The following ZFYVE9 variants were observed in gnomAD, a reference collection of about 807,000 sequenced individuals.
ZFYVE9 encodes zinc finger FYVE-type containing 9.
A neutral mutation model predicts 126.7 loss-of-function variants in ZFYVE9; 43 were observed. The ratio of observed to expected loss-of-function variants is 0.34; its 90% confidence interval spans 0.27 to 0.44. ZFYVE9 has a LOEUF of 0.44. Ranked by LOEUF, ZFYVE9 falls within the 20% of genes least tolerant of loss-of-function variation. ZFYVE9 has a pLI of 1.00. For missense variants in ZFYVE9, 1,476 were observed against 1,697.0 expected, an observed-to-expected ratio of 0.87 and a Z score of 2.29; for synonymous variants, 521 against 597.4, an observed-to-expected ratio of 0.87 and a Z score of 1.87.
intron 4 of ZFYVE9, among the ~76,000 whole-genome samples, chr1:52,254,839 G>A (rs1402464787): frequency 6.6e-6 from 1 of 151,946 alleles, no homozygotes; most frequent in Non-Finnish European, 1.5e-5. Context: ...GGTGGTACAT[G>A]CCTGTAGTCC....
chr1:52,178,896 C>G (rs908358340), intron 1 of ZFYVE9, among the ~76,000 whole-genome samples: 1 of 152,124 alleles, frequency 6.6e-6, no homozygotes, highest in Non-Finnish European at 1.5e-5. Context: ...GCCTCGACCT[C>G]TTGGCCCAAA....
intron 1 of ZFYVE9, among the ~76,000 whole-genome samples, chr1:52,160,835 C>T (rs951274291): frequency 1.2e-4 from 19 of 152,058 alleles, no homozygotes; most frequent in African/African-American, 4.6e-4. Flanking sequence ...AAATTGAAAA[C>T]AATATTTCAG....
At chr1:52,275,218 A>G (rs1645733592) in intron 8 of ZFYVE9, among the ~76,000 whole-genome samples, 1 of 152,188 alleles carries the variant, frequency 6.6e-6, no homozygotes, top group Non-Finnish European at 1.5e-5. Flanking sequence ...CATAGTACCC[A>G]ATGGGTAATT....
chr1:52,213,686 C>T (rs1022561747), intron 1 of ZFYVE9, among the ~76,000 whole-genome samples: 1 of 151,974 alleles, frequency 6.6e-6, no homozygotes, highest in Non-Finnish European at 1.5e-5. Flanking sequence ...CTTCCTCACA[C>T]ACACCATTTA....
At chr1:52,265,648 A>T (rs1051126103) in intron 5 of ZFYVE9, among the ~76,000 whole-genome samples, 1 of 152,190 alleles carries the variant, frequency 6.6e-6, no homozygotes, top group South Asian at 2.1e-4. Flanking sequence ...GCACATTTTC[A>T]TGTTCAAATA....
intron 1 of ZFYVE9, among the ~76,000 whole-genome samples, chr1:52,188,931 T>A (rs891043446): frequency 4.6e-5 from 7 of 151,858 alleles, no homozygotes; most frequent in Non-Finnish European, 8.8e-5. Flanking sequence ...TTTATTTTAT[T>A]TTTATTTATT....
At chr1:52,280,932 T>TA (rs1230436304) in intron 9 of ZFYVE9, among the ~76,000 whole-genome samples, 1 of 152,188 alleles carries the variant, frequency 6.6e-6, no homozygotes, top group African/African-American at 2.4e-5. Flanking sequence ...CATTGGTAAT[T>TA]ACTTCCTTCG....
chr1:52,344,071 CAAA>C (rs112122608), intron 17 of ZFYVE9, among the ~76,000 whole-genome samples: 4 of 89,882 alleles, frequency 4.5e-5, no homozygotes, highest in East Asian at 3.1e-4. Flanking sequence ...ACTTTGTTTC[CAAA>C]AAAAAAAAAA....
At chr1:52,221,081 A>T (rs553143037) in intron 2 of ZFYVE9, among the ~76,000 whole-genome samples, 1 of 152,320 alleles carries the variant, frequency 6.6e-6, no homozygotes, top group Non-Finnish European at 1.5e-5. Flanking sequence ...GACTACTCTG[A>T]AGGCATACTT....
At chr1:52,174,574 T>C (rs1455859957) in intron 1 of ZFYVE9, among the ~76,000 whole-genome samples, 1 of 150,214 alleles carries the variant, frequency 6.7e-6, no homozygotes, top group Non-Finnish European at 1.5e-5. Flanking sequence ...ACTTTCTGTC[T>C]CATTGATCTG....
rs115630197 is a variant in ZFYVE9, at chr1:52,164,708, A to G, written c.-143+22305A>G. On this transcript the variant is annotated intron_variant, in intron 1 of 18. Transcript: ENST00000287727. The stretch of plus-strand genomic sequence containing the variant: ...AGACATGCACTAGACCAAGGCTAAC[A>G]AGGCATTGAGGCAGAAAAGGAAATG... Among the ~76,000 whole-genome samples the G allele has an allele frequency of 7.6e-3, 1,152 of 152,308 alleles. 15 individuals carry two copies. Among genetic ancestry groups the G allele is most frequent in the African/African-American group, 0.026 (1,088 of 41,572 alleles).
chr1:52,266,571 T>C, intron 5 of ZFYVE9, 84 bp from the exon 6 acceptor site: 2 of 1,209,066 alleles, frequency 1.7e-6, no homozygotes, highest in Non-Finnish European at 2.3e-6. Context: ...TAGGAGAAGC[T>C]GCATTATTTA....
intron 13 of ZFYVE9, among the ~76,000 whole-genome samples, chr1:52,328,943 C>T (rs564168124): frequency 6.6e-6 from 1 of 152,004 alleles, no homozygotes; most frequent in African/African-American, 2.4e-5. Flanking sequence ...AAAGTAAAGC[C>T]AAGAGATGAT....
chr1:52,146,027 C>CCACA (rs1168051378), intron 1 of ZFYVE9, among the ~76,000 whole-genome samples: 105,799 of 146,154 alleles, frequency 0.72, 41,930 homozygotes, highest in Non-Finnish European at 0.87. Context: ...TCAAAAATAT[C>CCACA]CACACACACA....
rs183633660 is a variant in ZFYVE9 at position 52,202,481 on chromosome 1, A to C, written c.-142-13888A>C. Among the ~76,000 whole-genome samples the C allele has an allele frequency of 9.8e-3, 1,489 of 151,568 alleles. 71 individuals are homozygous for C. In the East Asian group the frequency reaches 0.13, roughly 13 times the overall value. ...TTTTTAGTAGAGACGGGGTTTCACT[A>C]TGTTGGCCAGTCTGGTCTTGAACTC... On this transcript the variant is annotated intron_variant, in intron 1 of 18. Coordinates refer to ENST00000287727, the MANE Select transcript of ZFYVE9 (RefSeq NM_004799.4).
At chr1:52,222,367 C>T (rs1390668160) in intron 2 of ZFYVE9, among the ~76,000 whole-genome samples, 1 of 152,170 alleles carries the variant, frequency 6.6e-6, no homozygotes, top group Non-Finnish European at 1.5e-5. Flanking sequence ...CAAACATGTC[C>T]CGACTATCTT....
chr1:52,215,842 T>A (rs1486424171), intron 1 of ZFYVE9, among the ~76,000 whole-genome samples: 1 of 152,122 alleles, frequency 6.6e-6, no homozygotes, highest in Non-Finnish European at 1.5e-5. Context: ...GGTTAATAGA[T>A]CCATTGCTTC....
chr1:52,327,829 G>C (rs1646306660), intron 13 of ZFYVE9, among the ~76,000 whole-genome samples: 1 of 151,340 alleles, frequency 6.6e-6, no homozygotes, highest in Non-Finnish European at 1.5e-5. Flanking sequence ...CAAAGAATTA[G>C]CCCGGGTGGT....
chr1:52,346,502 T>TA lies in ZFYVE9; in HGVS notation c.*282dup, dbSNP rs1161085785. 4.8e-6 allele frequency: 2 copies of TA among 417,022 alleles called. No homozygotes were observed. Among genetic ancestry groups the TA allele is most frequent in the African/African-American group, 2.0e-5 (1 of 49,506 alleles). 25.8% of individuals were successfully genotyped at this position (417,022 alleles called of 1,614,324 possible). On this transcript the variant is annotated 3_prime_UTR_variant, in exon 19 of 19. Coordinates refer to ENST00000287727, the MANE Select transcript of ZFYVE9 (RefSeq NM_004799.4). ...ATCCTTGCAGCTAATCCCCTTCTGT[T>TA]ACTGTTTAGACAAGAATTCCGCTCC...
Sources: gnomAD v4.1 joint callset for allele counts (sites outside exome capture counted in the v4.1 genomes callset) on GRCh38, gnomAD v4.1.1 for gene constraint, MANE v1.5 for transcripts, NCBI Gene and HGNC (gene_info 2026-07-23, HGNC 2026-07-21) for gene names.